Variants in ATF1 observed in about 807,000 individuals in gnomAD.
ATF1 encodes cyclic AMP-dependent transcription factor ATF-1.
In ATF1, 16 loss-of-function variants were observed where a neutral mutation model predicts 34.7. That is an observed-to-expected ratio of 0.46 (90% CI 0.31 to 0.70). ATF1 has a LOEUF of 0.70. Ranked by LOEUF, ATF1 falls within the 30% of genes least tolerant of loss-of-function variation. ATF1 has a pLI of 0.05. For missense variants in ATF1, 255 were observed against 321.6 expected, an observed-to-expected ratio of 0.79 and a Z score of 1.58; for synonymous variants, 105 against 113.1, an observed-to-expected ratio of 0.93 and a Z score of 0.46.
intron 2 of ATF1, among the ~76,000 whole-genome samples, chr12:50,785,091 T>C (rs1052626310): frequency 1.4e-5 from 2 of 143,218 alleles, no homozygotes; most frequent in Non-Finnish European, 3.0e-5. Flanking sequence ...CGAGCCAAGA[T>C]TGACGTCACA....
intron 4 of ATF1, among the ~76,000 whole-genome samples, chr12:50,812,635 G>C (rs968826927): frequency 6.6e-6 from 1 of 152,030 alleles, no homozygotes; most frequent in Non-Finnish European, 1.5e-5. Context: ...ACCAGACTGG[G>C]CAATATAGGG....
chr12:50,813,390 T>C (rs913553093), intron 4 of ATF1, among the ~76,000 whole-genome samples: 6 of 152,230 alleles, frequency 3.9e-5, no homozygotes, highest in Admixed American at 3.9e-4. Context: ...ATATAACCTT[T>C]TATTCTATTG....
chr12:50,787,589 A>T (rs1941211171), intron 2 of ATF1, among the ~76,000 whole-genome samples: 1 of 152,078 alleles, frequency 6.6e-6, no homozygotes, highest in Non-Finnish European at 1.5e-5. Flanking sequence ...AAAAGAAAAA[A>T]AAAAAGCCAG....
chr12:50,793,651 AT>A (rs979986413), intron 2 of ATF1, among the ~76,000 whole-genome samples: 5 of 137,448 alleles, frequency 3.6e-5, no homozygotes, highest in African/African-American at 1.1e-4. Context: ...AAAAAAAAAA[AT>A]TTATGATGCT....
chr12:50,813,820 GA>G (rs5798153), intron 4 of ATF1, among the ~76,000 whole-genome samples, 189 bp from the exon 5 acceptor site: 135,729 of 148,826 alleles, frequency 0.91, 62,183 homozygotes, highest in Non-Finnish European at 0.96. Flanking sequence ...TCTCAAAAAA[GA>G]AAAAAAAAAA....
In ATF1 at chr12:50,820,655, C is replaced by T. The variant is rs1941932213; in HGVS notation, c.*876C>T. On this transcript the variant is annotated 3_prime_UTR_variant, in exon 7 of 7. Transcript: ENST00000262053. Reference sequence around the variant, plus strand: ...ATTTTTAAAAAACCTTCTGAAGATACATACCAAAGTTTTTCCAAGAAGATT... The same window carrying T: ...ATTTTTAAAAAACCTTCTGAAGATATATACCAAAGTTTTTCCAAGAAGATT... 1 of 177,784 alleles carries T rather than the reference C, an allele frequency of 5.6e-6. No homozygotes were observed. Among genetic ancestry groups the T allele is most frequent in the Admixed American group, 6.3e-5 (1 of 15,798 alleles). 11.0% of individuals were successfully genotyped at this position (177,784 alleles called of 1,614,324 possible).
chr12:50,791,951 G>A (rs1941311010), intron 2 of ATF1, among the ~76,000 whole-genome samples: 1 of 152,144 alleles, frequency 6.6e-6, no homozygotes, highest in South Asian at 2.1e-4. Flanking sequence ...CCCGAAGTTG[G>A]TGTTTCACTC....
intron 1 of ATF1, among the ~76,000 whole-genome samples, chr12:50,765,561 G>C (rs182673695): frequency 6.6e-6 from 1 of 152,140 alleles, no homozygotes; most frequent in African/African-American, 2.4e-5. Context: ...TGTCAGAGGC[G>C]TGTGAACTAG....
intron 4 of ATF1, among the ~76,000 whole-genome samples, chr12:50,811,739 C>T (rs926108531): frequency 1.3e-5 from 2 of 151,746 alleles, no homozygotes; most frequent in Admixed American, 1.3e-4. Context: ...TACCGTGAAC[C>T]GTGATCGTAC....
At position 50,770,700 on chromosome 12, in the gene ATF1, A is replaced by G. The variant is rs189603388; in HGVS notation, c.-7+6393A>G. 7.2e-5 allele frequency among the ~76,000 whole-genome samples: 11 copies of G among 152,342 alleles called. No homozygotes were observed. In the East Asian group the frequency reaches 1.7e-3, roughly 24 times the overall value. ...ATGGGAAACTGGAGAGAGAAATACT[A>G]TGTTTCAAAAACTATGGTACACTTG... On this transcript the variant is annotated intron_variant, in intron 1 of 6. Transcript: ENST00000262053.
chr12:50,805,586 T>G (rs1485197667), intron 3 of ATF1, among the ~76,000 whole-genome samples: 2 of 151,164 alleles, frequency 1.3e-5, no homozygotes, highest in Non-Finnish European at 2.9e-5. Context: ...AAAAAAACCT[T>G]TTGTGATTCT....
intron 3 of ATF1, among the ~76,000 whole-genome samples, chr12:50,799,235 A>C (rs933821070): frequency 1.3e-5 from 2 of 152,116 alleles, no homozygotes. Flanking sequence ...AAATACAAAA[A>C]TTAGCTAGGT....
At chr12:50,773,444 C>CTTTTTTTTTTTTTTTTTT in intron 1 of ATF1, among the ~76,000 whole-genome samples, 1 of 89,568 alleles carries the variant, frequency 1.1e-5, no homozygotes, top group Non-Finnish European at 2.0e-5. Flanking sequence ...AATTGCCATT[C>CTTTTTTTTTTTTTTTTTT]TTTTTTTTTT....
intron 1 of ATF1, among the ~76,000 whole-genome samples, chr12:50,775,964 A>G (rs6580766): frequency 0.87 from 131,717 of 152,082 alleles, 58,330 homozygotes; most frequent in Non-Finnish European, 0.98. Context: ...AGGCCAAGGT[A>G]GGTGGATCGT....
chr12:50,765,440 C>T (rs1212380352), intron 1 of ATF1, among the ~76,000 whole-genome samples: 2 of 152,140 alleles, frequency 1.3e-5, no homozygotes, highest in African/African-American at 4.8e-5. Context: ...CCATTCCTAC[C>T]CGATCACCAG....
rs201398104 is a variant in ATF1 at position 50,767,709 on chromosome 12, CT to C, written c.-7+3404del. Among the ~76,000 whole-genome samples the C allele has an allele frequency of 9.6e-3, 1,457 of 152,200 alleles. 21 individuals carry two copies. Among genetic ancestry groups the C allele is most frequent in the African/African-American group, 0.034 (1,391 of 41,514 alleles). On this transcript the variant is annotated intron_variant, in intron 1 of 6. Transcript: ENST00000262053. ...GGTGGTACTTTCTTTTGGTCCCCAC[CT>C]TCAGAGAACAGGAATTTCAGGATTC...
chr12:50,778,771 G>A (rs1011453931), intron 1 of ATF1, among the ~76,000 whole-genome samples: 5 of 152,016 alleles, frequency 3.3e-5, no homozygotes, highest in Non-Finnish European at 7.4e-5. Flanking sequence ...TTGTATTTTA[G>A]TAGAAACCAT....
intron 1 of ATF1, among the ~76,000 whole-genome samples, chr12:50,771,942 C>G (rs1164284582): frequency 2.6e-5 from 4 of 152,198 alleles, no homozygotes; most frequent in Non-Finnish European, 5.9e-5. Context: ...GAAAAATCCA[C>G]CCCTTGTTTA....
At chr12:50,785,143 C>T (rs1941155906) in intron 2 of ATF1, among the ~76,000 whole-genome samples, 1 of 148,762 alleles carries the variant, frequency 6.7e-6, no homozygotes, top group Non-Finnish European at 1.5e-5. Context: ...TTACTTGACC[C>T]GGGCGTGGTA....
Sources: allele counts gnomAD v4.1 joint callset (sites outside exome capture counted in the v4.1 genomes callset), GRCh38; gene constraint gnomAD v4.1.1; transcripts MANE v1.5; gene names NCBI Gene and HGNC (gene_info 2026-07-23, HGNC 2026-07-21).